The following PANX1 variants were observed in gnomAD, a reference collection of about 807,000 sequenced individuals.
The protein encoded by PANX1 is pannexin-1.
In PANX1, 30 loss-of-function variants were observed where a neutral mutation model predicts 38.7. That is an observed-to-expected ratio of 0.78 (90% confidence interval 0.58 to 1.05). The LOEUF is 1.05. Among genes scored for constraint, PANX1 ranks in the 50% least tolerant of loss-of-function variants. The probability of loss-of-function intolerance (pLI) is 0.00; values close to 1 mark genes in which losing one functional copy is unlikely to be tolerated. For missense variants in PANX1, 551 were observed against 517.2 expected (o/e 1.07, Z -0.63); for synonymous variants, 230 against 212.2 (o/e 1.08, Z -0.73).
chr11:94,132,766 A>C (rs532840505), intron 1 of PANX1, among the ~76,000 whole-genome samples: 3 of 152,216 alleles, frequency 2.0e-5, no homozygotes, highest in African/African-American at 4.8e-5. Context: ...CTTTCCAAAA[A>C]TTAAATTTTC....
intron 2 of PANX1, among the ~76,000 whole-genome samples, chr11:94,162,747 C>T (rs1239871798): frequency 6.6e-6 from 1 of 152,170 alleles, no homozygotes; most frequent in African/African-American, 2.4e-5. Flanking sequence ...TCTGACACTC[C>T]CCAGTGAGAT....
chr11:94,158,903 A>T (rs1375844563), intron 2 of PANX1, among the ~76,000 whole-genome samples: 1 of 152,148 alleles, frequency 6.6e-6, no homozygotes, highest in African/African-American at 2.4e-5. Flanking sequence ...GATAGCTCTT[A>T]TTATTTTGAG....
intron 2 of PANX1, among the ~76,000 whole-genome samples, chr11:94,159,248 A>C (rs1434878027): frequency 6.6e-6 from 1 of 152,152 alleles, no homozygotes. Context: ...CTTTGGTATC[A>C]GGATGATGCT....
chr11:94,177,465 G>A (rs1947247168), intron 2 of PANX1, among the ~76,000 whole-genome samples: 1 of 152,004 alleles, frequency 6.6e-6, no homozygotes, highest in Admixed American at 6.6e-5. Context: ...TTTTGTCATT[G>A]CAGATCACAT....
intron 1 of PANX1, among the ~76,000 whole-genome samples, chr11:94,130,941 T>G (rs903705326): frequency 6.6e-6 from 1 of 152,206 alleles, no homozygotes; most frequent in African/African-American, 2.4e-5. Flanking sequence ...GAAAATAGTT[T>G]TTAGTTTTCC....
rs1180754597 is a variant in PANX1 at position 94,180,203 on chromosome 11, C to G, written c.1147C>G (p.Pro383Ala). The G allele has an allele frequency of 6.2e-7, 1 of 1,613,648 alleles. No homozygotes were observed. Among genetic ancestry groups the G allele is most frequent in the Admixed American group, 1.7e-5 (1 of 59,990 alleles). ...GATGGATGTTGTTGATGGCAAAACT[C>G]CCATGTCTGCAGAGATGAGAGAGGA... ...IKMDVVDGKT[P>A]MSAEMREEQG... Residue 383 changes from proline to alanine, a missense_variant, in exon 4 of 5, where the codon CCC becomes GCC. By Grantham distance (27) the Pro-to-Ala change is conservative. Coordinates refer to ENST00000227638, the MANE Select transcript of PANX1 (RefSeq NM_015368.4).
chr11:94,132,040 A>G (rs1292892777), intron 1 of PANX1, among the ~76,000 whole-genome samples: 2 of 152,168 alleles, frequency 1.3e-5, no homozygotes, highest in Non-Finnish European at 2.9e-5. Flanking sequence ...GGTGCTTGGA[A>G]TACTCTTTTG....
intron 1 of PANX1, among the ~76,000 whole-genome samples, chr11:94,152,410 GT>G (rs559941723): frequency 6.6e-6 from 1 of 152,200 alleles, no homozygotes; most frequent in Non-Finnish European, 1.5e-5. Context: ...CCTGCTGAGA[GT>G]GGCAGAGTCA....
In PANX1 at chr11:94,129,225, C is replaced by T; in HGVS notation, c.-88C>T. ...CAAAGGGAAAGCGAAAGCCGCGCGCCCGGCCGGTGACTGGGTGAAGGCGCC... is the reference window on the plus strand; with the variant it reads ...CAAAGGGAAAGCGAAAGCCGCGCGCTCGGCCGGTGACTGGGTGAAGGCGCC... On this transcript the variant is annotated 5_prime_UTR_variant, in exon 1 of 5. Coordinates refer to ENST00000227638, the MANE Select transcript of PANX1 (RefSeq NM_015368.4). 4 of 1,184,546 alleles carry T rather than the reference C, an allele frequency of 3.4e-6. No homozygotes were observed. Among genetic ancestry groups the T allele is most frequent in the Admixed American group, 2.4e-5 (1 of 41,948 alleles). The allele number at this position is 1,184,546 out of a possible 1,614,324, so 73.4% of individuals were successfully genotyped here.
intron 2 of PANX1, among the ~76,000 whole-genome samples, chr11:94,154,555 A>G (rs897157219): frequency 4.6e-5 from 7 of 152,206 alleles, no homozygotes; most frequent in African/African-American, 1.7e-4. Context: ...CCAAAAGCCA[A>G]AGTTTGACTC....
At chr11:94,132,270 A>G (rs1946638878) in intron 1 of PANX1, among the ~76,000 whole-genome samples, 1 of 152,206 alleles carries the variant, frequency 6.6e-6, no homozygotes, top group African/African-American at 2.4e-5. Context: ...CTAGTAGAGA[A>G]GTTGAACGCA....
chr11:94,141,627 T>C (rs1160953565), intron 1 of PANX1, among the ~76,000 whole-genome samples: 3 of 152,236 alleles, frequency 2.0e-5, no homozygotes, highest in Non-Finnish European at 2.9e-5. Context: ...CCTAGTTGTT[T>C]CACTTCTGAG....
At chr11:94,158,960 G>T (rs532670167) in intron 2 of PANX1, among the ~76,000 whole-genome samples, 4 of 152,266 alleles carry the variant, frequency 2.6e-5, no homozygotes, top group African/African-American at 9.6e-5. Flanking sequence ...TAGCATGAAG[G>T]GTTGTTGAAT....
rs1947170670 is a variant in PANX1, at chr11:94,171,744, A to T, written c.322-6625A>T. ...CAATGGTGTCATTTTTCTCCAACCG[A>T]CTTTGATTTCTCCCTGTCTTCCTCC... On this transcript the variant is annotated intron_variant, in intron 2 of 4. Coordinates refer to ENST00000227638, the MANE Select transcript of PANX1 (RefSeq NM_015368.4). 2.6e-5 allele frequency among the ~76,000 whole-genome samples: 4 copies of T among 151,166 alleles called. No homozygotes were observed. In the South Asian group the frequency reaches 8.3e-4, roughly 31 times the overall value.
At chr11:94,176,228 T>A (rs1196082134) in intron 2 of PANX1, among the ~76,000 whole-genome samples, 1 of 151,596 alleles carries the variant, frequency 6.6e-6, no homozygotes. Context: ...GAATAAAGAA[T>A]TGGATGCAAA....
At position 94,152,595 on chromosome 11, in the gene PANX1, G is replaced by C. The variant is rs367713200; in HGVS notation, c.182-896G>C. ...GGGGATCAGGGCTGGGCCAGGCAAG[G>C]CCTAGCGCCAGCCCCTGTGCTACTG... On this transcript the variant is annotated intron_variant, in intron 1 of 4. Coordinates refer to ENST00000227638, the MANE Select transcript of PANX1 (RefSeq NM_015368.4). 4.6e-5 allele frequency among the ~76,000 whole-genome samples: 7 copies of C among 152,282 alleles called. No individual in the cohort carries two copies. The South Asian group carries it at 1.2e-3, about 27-fold the overall frequency.
chr11:94,173,858 A>G lies in PANX1; in HGVS notation c.322-4511A>G, dbSNP rs555547007. ...TGCTTACACTTTTTGTGAGTTTCCT[A>G]GATCTGCTATAACAAATTACAACAG... On this transcript the variant is annotated intron_variant, in intron 2 of 4. Coordinates refer to ENST00000227638, the MANE Select transcript of PANX1 (RefSeq NM_015368.4). Among the ~76,000 whole-genome samples, 5 of 151,876 alleles carry G rather than the reference A, an allele frequency of 3.3e-5. No individual in the cohort carries two copies. The East Asian group carries it at 9.6e-4, about 29-fold the overall frequency.
At chr11:94,151,348 G>A (rs953312993) in intron 1 of PANX1, among the ~76,000 whole-genome samples, 1 of 152,174 alleles carries the variant, frequency 6.6e-6, no homozygotes, top group Non-Finnish European at 1.5e-5. Context: ...CCAAGATAGA[G>A]CTTGAAGCAC....
At chr11:94,131,155 C>T (rs6483293) in intron 1 of PANX1, among the ~76,000 whole-genome samples, 93,918 of 151,856 alleles carry the variant, frequency 0.62, 29,199 homozygotes, top group Admixed American at 0.74. Context: ...GAGGCATGAT[C>T]CCTGTCTTGG....
Sources: gnomAD v4.1 joint callset for allele counts (sites outside exome capture counted in the v4.1 genomes callset) on GRCh38, gnomAD v4.1.1 for gene constraint, MANE v1.5 for transcripts, NCBI Gene and HGNC (gene_info 2026-07-23, HGNC 2026-07-21) for gene names.